Variants in APOL3 observed in about 807,000 individuals in gnomAD.
The protein encoded by APOL3 is apolipoprotein L3.
A neutral mutation model predicts 11.6 loss-of-function variants in APOL3; 14 were observed. The ratio of observed to expected loss-of-function variants is 1.21; its 90% confidence interval spans 0.80 to 1.89. The LOEUF (loss-of-function observed/expected upper bound fraction) is 1.89, where lower values mean the gene tolerates loss of function less well. Among genes scored for constraint, APOL3 ranks in the 40% most tolerant of loss-of-function variants. APOL3 has a pLI of 0.00. For synonymous variants in APOL3, 192 were observed against 190.6 expected (o/e 1.01, Z -0.06); for missense variants, 483 against 492.1 (o/e 0.98, Z 0.17).
intron 1 of APOL3, 46 bp downstream of exon 1, chr22:36,160,623 C>T (rs753345009): frequency 1.9e-6 from 3 of 1,590,066 alleles, no homozygotes; most frequent in South Asian, 2.2e-5. Flanking sequence ...TATAGAGCTG[C>T]TGTGAGGATG....
intron 1 of APOL3, chr22:36,157,124 T>C (rs576847917): frequency 1.2e-5 from 5 of 418,526 alleles, no homozygotes; most frequent in African/African-American, 2.1e-5. Flanking sequence ...TTATTACTTT[T>C]GTACGAGGAG....
upstream of APOL3, chr22:36,160,942 G>A: frequency 6.4e-7 from 1 of 1,559,170 alleles, no homozygotes; most frequent in Non-Finnish European, 8.8e-7. Flanking sequence ...TCCAAGAGCA[G>A]CCCCAGACGT....
chr22:36,155,053 G>GAACTC (rs2012525301), intron 1 of APOL3, among the ~76,000 whole-genome samples: 2 of 152,194 alleles, frequency 1.3e-5, no homozygotes, highest in Admixed American at 1.3e-4. Context: ...TGAGAAGAAT[G>GAACTC]AACTCAACTG....
intron 1 of APOL3, among the ~76,000 whole-genome samples, chr22:36,154,186 T>G (rs33999668): frequency 6.6e-6 from 1 of 152,196 alleles, no homozygotes; most frequent in Non-Finnish European, 1.5e-5. Context: ...TTTCCCTTCA[T>G]GGCCTGAACC....
chr22:36,151,222 A>C (rs1003926447), intron 1 of APOL3, among the ~76,000 whole-genome samples: 1 of 152,176 alleles, frequency 6.6e-6, no homozygotes, highest in Admixed American at 6.5e-5. Context: ...TCATTTCATC[A>C]CTCTACAGGG....
intron 1 of APOL3, among the ~76,000 whole-genome samples, chr22:36,151,987 A>T (rs1569529484): frequency 6.6e-6 from 1 of 151,060 alleles, no homozygotes; most frequent in Non-Finnish European, 1.5e-5. Flanking sequence ...GAAGAATGTG[A>T]GTGTGTGTGT....
chr22:36,147,169 CAT>C (rs1346483974), intron 1 of APOL3, among the ~76,000 whole-genome samples: 2 of 152,174 alleles, frequency 1.3e-5, no homozygotes, highest in African/African-American at 2.4e-5. Context: ...GGATTTTAAA[CAT>C]TTTATTGAAA....
intron 2 of APOL3, among the ~76,000 whole-genome samples, chr22:36,145,145 C>T (rs2060145773): frequency 6.6e-6 from 1 of 151,958 alleles, no homozygotes; most frequent in South Asian, 2.1e-4. Flanking sequence ...AAATACTTTA[C>T]ATGCATTAGC....
At chr22:36,142,866 C>A (rs1413807633) in intron 2 of APOL3, among the ~76,000 whole-genome samples, 5 of 152,222 alleles carry the variant, frequency 3.3e-5, no homozygotes, top group Non-Finnish European at 7.3e-5. Context: ...TGGGCCTGTA[C>A]TGCCCCAGTT....
intron 2 of APOL3, among the ~76,000 whole-genome samples, chr22:36,143,228 G>A (rs1330094296): frequency 6.6e-6 from 1 of 152,240 alleles, no homozygotes; most frequent in Admixed American, 6.5e-5. Flanking sequence ...CACCCCATGT[G>A]TTTTGTCCCA....
intron 1 of APOL3, among the ~76,000 whole-genome samples, chr22:36,155,080 G>A (rs2012531494): frequency 6.6e-6 from 1 of 152,174 alleles, no homozygotes; most frequent in South Asian, 2.1e-4. Flanking sequence ...CCACCTACAG[G>A]AGTGATCTGG....
intron 1 of APOL3, among the ~76,000 whole-genome samples, chr22:36,147,252 G>A (rs1057441237): frequency 2.6e-5 from 4 of 152,102 alleles, no homozygotes; most frequent in East Asian, 1.9e-4. Flanking sequence ...GCTCATGGGC[G>A]CTCTCAGATG....
intron 1 of APOL3, among the ~76,000 whole-genome samples, chr22:36,157,410 C>T (rs2013076966): frequency 6.6e-6 from 1 of 152,164 alleles, no homozygotes. Flanking sequence ...ATAGGTCCTA[C>T]ATTTAAAAGA....
intron 1 of APOL3, chr22:36,159,692 C>T (rs969771047): frequency 6.6e-6 from 1 of 152,168 alleles, no homozygotes; most frequent in African/African-American, 2.4e-5. Context: ...TGAAAAGGAA[C>T]CAGGTGAGTG....
exon 2 of APOL3, chr22:36,145,516 T>A (rs139295502): frequency 6.2e-7 from 1 of 1,614,194 alleles, no homozygotes; most frequent in African/African-American, 1.3e-5. Flanking sequence ...CAGGCTTCAT[T>A]GTTAGTCAGC....
At chr22:36,144,002 C>T (rs1487275194) in intron 2 of APOL3, among the ~76,000 whole-genome samples, 1 of 152,150 alleles carries the variant, frequency 6.6e-6, no homozygotes, top group Non-Finnish European at 1.5e-5. Flanking sequence ...TTCCAACTCT[C>T]CAAGCTGGCC....
At chr22:36,146,968 C>A (rs1259540986) in intron 1 of APOL3, among the ~76,000 whole-genome samples, 2 of 152,104 alleles carry the variant, frequency 1.3e-5, no homozygotes, top group African/African-American at 2.4e-5. Flanking sequence ...CGTGGACACA[C>A]TTGCGAGGCC....
intron 1 of APOL3, among the ~76,000 whole-genome samples, chr22:36,158,819 A>G (rs2013326598): frequency 6.6e-6 from 1 of 152,124 alleles, no homozygotes; most frequent in Non-Finnish European, 1.5e-5. Flanking sequence ...TCCGTCAGAA[A>G]AAAAAGACTA....
At chr22:36,152,499 A>C (rs1316111472) in intron 1 of APOL3, among the ~76,000 whole-genome samples, 1 of 152,206 alleles carries the variant, frequency 6.6e-6, no homozygotes, top group Non-Finnish European at 1.5e-5. Flanking sequence ...ACACTGAAGG[A>C]AGGAGGGGGA....
Sources: gnomAD v4.1 joint callset for allele counts (sites outside exome capture counted in the v4.1 genomes callset) on GRCh38, gnomAD v4.1.1 for gene constraint, MANE v1.5 for transcripts, NCBI Gene and HGNC (gene_info 2026-07-23, HGNC 2026-07-21) for gene names.